EFR3B: variants seen among roughly 807,000 people sequenced by gnomAD.
EFR3B encodes the protein EFR3 homolog B, also known as protein EFR3 homolog B.
EFR3B carries 64 observed loss-of-function variants against 104.7 expected under a neutral mutation model. The ratio of observed to expected loss-of-function variants is 0.61; its 90% CI spans 0.50 to 0.75. The LOEUF (loss-of-function observed/expected upper bound fraction) is 0.75, where lower values mean the gene tolerates loss of function less well. EFR3B is among the 30% of genes least tolerant of loss of function. The pLI is 0.00. For synonymous variants in EFR3B, 385 were observed against 417.9 expected (o/e 0.92, Z 0.96); for missense variants, 750 against 1,078.5 (o/e 0.70, Z 4.27).
In EFR3B at chr2:25,153,880, T is replaced by C. The variant is rs542582388; in HGVS notation, c.2348+119T>C. 16 of 1,070,962 alleles carry C rather than the reference T, an allele frequency of 1.5e-5. No homozygotes were observed. In the East Asian group the frequency reaches 1.8e-4, roughly 12 times the overall value. The allele number at this position is 1,070,962 out of a possible 1,614,324, so 66.3% of individuals were successfully genotyped here. A position where few individuals can be genotyped will look rare whatever the true frequency, so the allele number is the denominator to read the frequency against. On this transcript the variant is annotated intron_variant, in intron 22 of 22. Transcript: ENST00000403714. ...TCCTCCCCACCTCCTTCTACCACTG[T>C]AATCTCTATCCCCTGGGCTGGAGTC...
chr2:25,048,828 A>T (rs996596203), intron 1 of EFR3B, among the ~76,000 whole-genome samples: 2 of 152,204 alleles, frequency 1.3e-5, no homozygotes, highest in Non-Finnish European at 2.9e-5. Flanking sequence ...TCTTGGTGGT[A>T]GTGGTCCCCC....
chr2:25,093,705 C>G (rs1669199193), intron 3 of EFR3B, among the ~76,000 whole-genome samples: 1 of 152,060 alleles, frequency 6.6e-6, no homozygotes, highest in Non-Finnish European at 1.5e-5. Flanking sequence ...AGCCCTCATA[C>G]AGTCTGGGGC....
chr2:25,127,565 A>G (rs1670203181), intron 5 of EFR3B, among the ~76,000 whole-genome samples: 1 of 152,208 alleles, frequency 6.6e-6, no homozygotes, highest in Non-Finnish European at 1.5e-5. Flanking sequence ...TTTATAAAAA[A>G]GAAAGAAAGA....
intron 19 of EFR3B, 196 bp downstream of exon 19, chr2:25,145,247 C>T: frequency 1.6e-6 from 1 of 608,538 alleles, no homozygotes; most frequent in Non-Finnish European, 2.9e-6. Flanking sequence ...AGGGTCCTCC[C>T]TGCTCCCATG....
intron 3 of EFR3B, among the ~76,000 whole-genome samples, chr2:25,095,714 G>A (rs2097327890): frequency 6.6e-6 from 1 of 152,068 alleles, no homozygotes; most frequent in African/African-American, 2.4e-5. Flanking sequence ...CAACAAAAAA[G>A]AATGTACCAA....
chr2:25,043,174 A>G (rs1266896498), intron 1 of EFR3B, among the ~76,000 whole-genome samples: 1 of 152,070 alleles, frequency 6.6e-6, no homozygotes, highest in East Asian at 1.9e-4. Context: ...CAGCCCACCA[A>G]GGGCTGTGCG....
intron 1 of EFR3B, among the ~76,000 whole-genome samples, chr2:25,065,346 ATTTTTTTTTTTTTT>A (rs749717958): frequency 6.4e-5 from 6 of 93,364 alleles, no homozygotes; most frequent in Non-Finnish European, 1.0e-4. Context: ...ACACCCAGCT[ATTTTTTTTTTTTTT>A]TTTTTTTTTT....
chr2:25,110,111 C>G (rs950588026), intron 4 of EFR3B, among the ~76,000 whole-genome samples: 1 of 152,064 alleles, frequency 6.6e-6, no homozygotes, highest in Admixed American at 6.6e-5. Context: ...TCCTTGCTCC[C>G]CTGCCCCTCA....
intron 1 of EFR3B, among the ~76,000 whole-genome samples, chr2:25,068,698 C>T (rs140239716): frequency 0.017 from 2,490 of 142,566 alleles, 65 homozygotes; most frequent in African/African-American, 0.062. Context: ...GGCGCGATCT[C>T]GGCTCACTGC....
At chr2:25,129,482 G>A (rs2149204633) in intron 6 of EFR3B, among the ~76,000 whole-genome samples, 1 of 152,242 alleles carries the variant, frequency 6.6e-6, no homozygotes, top group East Asian at 1.9e-4. Flanking sequence ...CTGTCCAGAT[G>A]TGGGCCCACT....
At chr2:25,080,597 G>C (rs1668775471) in intron 1 of EFR3B, 2 of 537,288 alleles carry the variant, frequency 3.7e-6, no homozygotes, top group East Asian at 3.0e-5. Flanking sequence ...CCTGGCCCCT[G>C]AAGTTTTATT....
chr2:25,133,245 G>C (rs1573227641), intron 11 of EFR3B, 138 bp from the exon 12 acceptor site: 1 of 1,012,876 alleles, frequency 9.9e-7, no homozygotes, highest in East Asian at 2.6e-5. Context: ...TCGGCTTCCT[G>C]GGTCCGGAAG....
rs572642052 is a variant in EFR3B, at chr2:25,139,204, C to T, written c.1854+14C>T. Reference sequence around the variant, plus strand: ...CACATCCATGAGGTTGGTGTTCTCACGACCAAGAGCTCAGGGGGCCCTCAA... The same window carrying T: ...CACATCCATGAGGTTGGTGTTCTCATGACCAAGAGCTCAGGGGGCCCTCAA... On this transcript the variant is annotated intron_variant, in intron 16 of 22. Coordinates refer to ENST00000403714, the MANE Select transcript of EFR3B (RefSeq NM_014971.2). 20 of 1,548,588 alleles carry T rather than the reference C, an allele frequency of 1.3e-5. No homozygotes were observed. The highest frequency in any genetic ancestry group is 1.7e-4 in the Middle Eastern group (1 of 5,968).
chr2:25,106,500 C>T (rs1230582253), intron 4 of EFR3B, among the ~76,000 whole-genome samples: 1 of 150,140 alleles, frequency 6.7e-6, no homozygotes, highest in Non-Finnish European at 1.5e-5. Flanking sequence ...CTCTGTTGCC[C>T]AGGCTGGAAT....
intron 1 of EFR3B, among the ~76,000 whole-genome samples, chr2:25,055,849 C>T (rs1250950594): frequency 6.6e-6 from 1 of 152,136 alleles, no homozygotes; most frequent in Non-Finnish European, 1.5e-5. Context: ...CTGCAGCCTC[C>T]CTCCGGGTCT....
intron 1 of EFR3B, among the ~76,000 whole-genome samples, chr2:25,055,242 T>A (rs556760422): frequency 3.3e-5 from 5 of 152,368 alleles, no homozygotes; most frequent in African/African-American, 1.2e-4. Flanking sequence ...CTGATGGCAA[T>A]TGCACGTGTC....
In EFR3B at chr2:25,130,637, T is replaced by G; in HGVS notation, c.849+7T>G. 3 of 1,551,262 alleles carry G rather than the reference T, an allele frequency of 1.9e-6. No homozygotes were observed. In the South Asian group the frequency reaches 3.6e-5, roughly 18 times the overall value. ...CATCATGTACTCAATTCAGGTATGG[T>G]GGCTCCCCTGGGCCAGCCGGATCCC... is the stretch of plus-strand genomic sequence containing the variant. On this transcript the variant is annotated splice_region_variant and intron_variant, in intron 8 of 22. Transcript: ENST00000403714. This position sits in a 1 kb window ranked among gnomAD's most constrained non-coding sequence, Gnocchi z 4.6.
chr2:25,138,995 A>T, intron 15 of EFR3B, 64 bp from the exon 16 acceptor site: 1 of 1,542,734 alleles, frequency 6.5e-7, no homozygotes, highest in Non-Finnish European at 8.8e-7. Context: ...GGTCGGGTGG[A>T]GCGTTGGCAC....
At chr2:25,067,615 A>G (rs535454575) in intron 1 of EFR3B, among the ~76,000 whole-genome samples, 5 of 151,732 alleles carry the variant, frequency 3.3e-5, no homozygotes, top group Admixed American at 1.3e-4. Flanking sequence ...TTTTATTTTT[A>G]GTAGAGACGG....
Sources: gnomAD v4.1 joint callset for allele counts (sites outside exome capture counted in the v4.1 genomes callset) on GRCh38, gnomAD v4.1.1 for gene constraint, Gnocchi (gnomAD v3.1) non-coding constraint, MANE v1.5 for transcripts, NCBI Gene and HGNC (gene_info 2026-07-23, HGNC 2026-07-21) for gene names.